PPIP5K2: variants seen among roughly 807,000 people sequenced by gnomAD.
PPIP5K2 encodes inositol hexakisphosphate and diphosphoinositol-pentakisphosphate kinase 2.
Under a neutral mutation model 154.6 loss-of-function variants are expected in PPIP5K2, and 105 were observed. The ratio of observed to expected loss-of-function variants is 0.68; its 90% CI spans 0.58 to 0.80. The LOEUF is 0.80. Ranked by LOEUF, PPIP5K2 falls within the 30% of genes least tolerant of loss-of-function variation. The pLI, the probability that PPIP5K2 is intolerant of heterozygous loss-of-function variation, is 0.00. For missense variants in PPIP5K2, 992 were observed against 1,504.6 expected, an observed-to-expected ratio of 0.66 and a Z score of 5.64; for synonymous variants, 480 against 490.3, an observed-to-expected ratio of 0.98 and a Z score of 0.28.
chr5:103,129,607 A>T lies in PPIP5K2; in HGVS notation c.18A>T (p.Arg6Ser). Residue 6 changes from arginine (R) to serine (S), a missense_variant, in exon 2 of 31, where the codon AGA (arginine) becomes AGT (serine). By Grantham distance (110) the Arg-to-Ser change is moderately radical. Coordinates refer to ENST00000358359, the MANE Select transcript of PPIP5K2 (RefSeq NM_001276277.3). Reference protein sequence around the residue: MSEAPRFFVGPEDTEI... With the variant: MSEAPSFFVGPEDTEI... The stretch of plus-strand genomic sequence containing the variant: ...AAATAAAAATGAGTGAAGCCCCCAG[A>T]TTCTTCGTTGGACCAGAAGATACAG... 1 of 1,601,388 alleles carries T rather than the reference A, an allele frequency of 6.2e-7. No homozygotes were observed.
intron 1 of PPIP5K2, among the ~76,000 whole-genome samples, chr5:103,125,768 G>C (rs1438055356): frequency 6.6e-6 from 1 of 152,058 alleles, no homozygotes; most frequent in Non-Finnish European, 1.5e-5. Context: ...TGAGTAGCTG[G>C]GATTACAGGC....
intron 5 of PPIP5K2, among the ~76,000 whole-genome samples, chr5:103,139,164 C>T (rs1583241524): frequency 6.6e-6 from 1 of 152,268 alleles, no homozygotes; most frequent in East Asian, 1.9e-4. Flanking sequence ...GAAGCTATAC[C>T]TAACTTAGTC....
At chr5:103,160,840 GC>G (rs1796104287) in intron 17 of PPIP5K2, among the ~76,000 whole-genome samples, 1 of 151,996 alleles carries the variant, frequency 6.6e-6, no homozygotes, top group Non-Finnish European at 1.5e-5. Flanking sequence ...TGTGCAATGA[GC>G]ATACGTTTCT....
rs114458527 is a variant in PPIP5K2, at chr5:103,201,239, A to G, written c.3620-283A>G. Among the ~76,000 whole-genome samples the G allele has an allele frequency of 9.5e-3, 1,449 of 152,370 alleles. 9 individuals are homozygous for G. The highest frequency in any genetic ancestry group is 0.013 in the Non-Finnish European group (863 of 68,034). On this transcript the variant is annotated intron_variant, in intron 30 of 30. Coordinates refer to ENST00000358359, the MANE Select transcript of PPIP5K2 (RefSeq NM_001276277.3). ...TATAAATTTAAAAATCATTAGCACA[A>G]TGGATGGTAGTTAAAAATTATGAAA...
At chr5:103,141,388 G>A (rs776333918) in intron 5 of PPIP5K2, among the ~76,000 whole-genome samples, 10 of 151,870 alleles carry the variant, frequency 6.6e-5, no homozygotes, top group Admixed American at 2.6e-4. Flanking sequence ...AAGGTAGCGC[G>A]TCTGGAGTTG....
intron 5 of PPIP5K2, among the ~76,000 whole-genome samples, chr5:103,139,331 C>A (rs1450389932): frequency 3.3e-5 from 5 of 152,028 alleles, no homozygotes; most frequent in Admixed American, 6.6e-5. Flanking sequence ...AGTGATTGTC[C>A]CACTCCCCAC....
At chr5:103,175,070 G>A (rs939010533) in intron 21 of PPIP5K2, among the ~76,000 whole-genome samples, 4 of 152,024 alleles carry the variant, frequency 2.6e-5, no homozygotes, top group African/African-American at 9.7e-5. Flanking sequence ...TTTTCTGTGC[G>A]TATATTGGTA....
intron 14 of PPIP5K2, among the ~76,000 whole-genome samples, chr5:103,157,846 A>G (rs1474070808): frequency 1.3e-5 from 2 of 152,370 alleles, no homozygotes; most frequent in Admixed American, 6.5e-5. Context: ...TCCAGCAGAC[A>G]TAGCACAACT....
intron 30 of PPIP5K2, among the ~76,000 whole-genome samples, chr5:103,195,827 TTTTCCTCTAGTGCTCTCAAATG>T (rs1290273732): frequency 6.6e-6 from 1 of 152,172 alleles, no homozygotes; most frequent in Non-Finnish European, 1.5e-5. Flanking sequence ...GTCTTCATTC[TTTTCCTCTAGTGCTCTCAAATG>T]TTCTTTTGGT....
rs571323841 is a variant in PPIP5K2, at chr5:103,203,086, A to G, written c.*1452A>G. ...TGTGTTATATGGAGACATGTCTTGT[A>G]AACAGTTGAATGTATGTAAGTTTTC... On this transcript the variant is annotated 3_prime_UTR_variant, in exon 31 of 31. Transcript: ENST00000358359. The G allele has an allele frequency of 6.5e-6, 1 of 152,736 alleles. No individual in the cohort carries two copies. The highest frequency in any genetic ancestry group is 6.5e-5 in the Admixed American group (1 of 15,284). 9.5% of individuals were successfully genotyped at this position (152,736 alleles called of 1,614,324 possible).
At chr5:103,185,776 G>A (rs186681079) in intron 26 of PPIP5K2, among the ~76,000 whole-genome samples, 1 of 151,964 alleles carries the variant, frequency 6.6e-6, no homozygotes, top group Non-Finnish European at 1.5e-5. Flanking sequence ...TGACTGAAAA[G>A]GACCTGGTCT....
chr5:103,128,808 G>C (rs948302089), intron 1 of PPIP5K2, among the ~76,000 whole-genome samples: 1 of 151,976 alleles, frequency 6.6e-6, no homozygotes, highest in Non-Finnish European at 1.5e-5. Flanking sequence ...TTATGTATGA[G>C]ACCAGAATAT....
chr5:103,168,667 A>T (rs1797501426), intron 19 of PPIP5K2, among the ~76,000 whole-genome samples: 1 of 151,722 alleles, frequency 6.6e-6, no homozygotes, highest in Non-Finnish European at 1.5e-5. Context: ...TAACTGATGA[A>T]CCTACATTGA....
chr5:103,121,256 C>A (rs571035650), intron 1 of PPIP5K2, among the ~76,000 whole-genome samples: 192 of 152,246 alleles, frequency 1.3e-3, no homozygotes, highest in Non-Finnish European at 2.3e-3. Context: ...TTTTTTGTCT[C>A]AGATAGATAA....
chr5:103,131,747 GT>G (rs1289210276), intron 2 of PPIP5K2, among the ~76,000 whole-genome samples: 1 of 151,946 alleles, frequency 6.6e-6, no homozygotes, highest in Non-Finnish European at 1.5e-5. Context: ...TGTGACTATA[GT>G]TTTTTTAGAC....
chr5:103,179,117 G>A (rs1381589878), intron 23 of PPIP5K2, among the ~76,000 whole-genome samples: 3 of 151,922 alleles, frequency 2.0e-5, no homozygotes, highest in Non-Finnish European at 2.9e-5. Context: ...TTTAGTGATA[G>A]TGGACATTCT....
chr5:103,185,366 G>T (rs1554224593), intron 26 of PPIP5K2, among the ~76,000 whole-genome samples: 1 of 152,010 alleles, frequency 6.6e-6, no homozygotes, highest in Non-Finnish European at 1.5e-5. Flanking sequence ...GTAAATAGTT[G>T]TCCTAATAGG....
rs570955260 is a variant in PPIP5K2 at position 103,199,822 on chromosome 5, G to A, written c.3620-1700G>A. Among the ~76,000 whole-genome samples, 5 of 151,780 alleles carry A rather than the reference G, an allele frequency of 3.3e-5. No homozygotes were observed. The South Asian group carries it at 1.0e-3, about 32-fold the overall frequency. ...TTCTTTTAAATAGTTTTTTTGCAGG[G>A]ATTTTTCTCTTTTTATTCGTTATAA... On this transcript the variant is annotated intron_variant, in intron 30 of 30. Transcript: ENST00000358359.
At chr5:103,193,270 T>TA (rs556940712) in intron 29 of PPIP5K2, among the ~76,000 whole-genome samples, 179 of 152,190 alleles carry the variant, frequency 1.2e-3, no homozygotes, top group African/African-American at 4.2e-3. Flanking sequence ...TTTTATAGAG[T>TA]AACTGTAGGA....
Sources: gnomAD v4.1 joint callset for allele counts (sites outside exome capture counted in the v4.1 genomes callset) on GRCh38, gnomAD v4.1.1 for gene constraint, MANE v1.5 for transcripts, NCBI Gene and HGNC (gene_info 2026-07-23, HGNC 2026-07-21) for gene names.